SULT2B1: variants seen among roughly 807,000 people sequenced by gnomAD.
SULT2B1 encodes sulfotransferase 2B1.
Under a neutral mutation model 33.2 loss-of-function variants are expected in SULT2B1, and 16 were observed. The observed-to-expected ratio is 0.48, with a 90% CI of 0.33 to 0.73. SULT2B1 has a LOEUF of 0.73. Ranked by LOEUF, SULT2B1 falls within the 30% of genes least tolerant of loss-of-function variation. SULT2B1 has a pLI of 0.02. For synonymous variants in SULT2B1, 186 were observed against 200.5 expected (o/e 0.93, Z 0.61); for missense variants, 500 against 506.0 (o/e 0.99, Z 0.11).
chr19:48,570,179 CTTT>C (rs149283040), intron 1 of SULT2B1, among the ~76,000 whole-genome samples: 93,571 of 145,532 alleles, frequency 0.64, 31,034 homozygotes, highest in African/African-American at 0.73. Flanking sequence ...CCGGTTTGTT[CTTT>C]TTTTTTTTTT....
At chr19:48,565,445 TC>T (rs1020466412) in intron 1 of SULT2B1, among the ~76,000 whole-genome samples, 3 of 151,752 alleles carry the variant, frequency 2.0e-5, no homozygotes, top group Non-Finnish European at 2.9e-5. Flanking sequence ...AATGGCTAGA[TC>T]TTGGCTCACT....
intron 1 of SULT2B1, among the ~76,000 whole-genome samples, chr19:48,562,779 A>G (rs1973198530): frequency 6.6e-6 from 1 of 152,058 alleles, no homozygotes; most frequent in Non-Finnish European, 1.5e-5. Flanking sequence ...TCCCAGGTTC[A>G]GGCAATTCTC....
chr19:48,565,337 T>G (rs528160633), intron 1 of SULT2B1, among the ~76,000 whole-genome samples: 62 of 150,544 alleles, frequency 4.1e-4, no homozygotes, highest in Admixed American at 1.3e-3. Flanking sequence ...TATGGGGGGG[T>G]GTGTGTGTGT....
Position 48,599,386 on chromosome 19 carries a change from C to G in SULT2B1, c.1078C>G (p.Pro360Ala), listed in dbSNP as rs760164635. Residue 360 changes from proline to alanine, a missense_variant, in exon 7 of 7, where the codon CCG (proline) becomes GCG (alanine). Pro to Ala is a conservative substitution (Grantham distance 27, BLOSUM62 -1). Transcript: ENST00000201586. This position sits in a 1 kb window ranked among gnomAD's most constrained non-coding sequence, Gnocchi z 4.1. Reference sequence around the variant, plus strand: ...CAGCCCCGGCCAGGCCTCTGAGACCCCGCACCCACGACCCTCATAATAAAC... The same window carrying G: ...CAGCCCCGGCCAGGCCTCTGAGACCGCGCACCCACGACCCTCATAATAAAC... The part of the protein sequence containing the change: ...SPSPGQASET[P>A]HPRPS 6.4e-7 allele frequency: 1 copy of G among 1,556,578 alleles called. No homozygotes were observed. The highest frequency in any genetic ancestry group is 2.4e-5 in the East Asian group (1 of 41,528).
chr19:48,580,904 T>G (rs990973779), intron 2 of SULT2B1, among the ~76,000 whole-genome samples: 2 of 149,824 alleles, frequency 1.3e-5, no homozygotes, highest in Non-Finnish European at 3.0e-5. Context: ...GCCTGGCCAG[T>G]TTTTTTCTAA....
At chr19:48,592,593 G>A in intron 4 of SULT2B1, 129 bp from the exon 5 acceptor site, 1 of 728,584 alleles carries the variant, frequency 1.4e-6, no homozygotes, top group African/African-American at 1.8e-5. Flanking sequence ...GGGCTCTGGG[G>A]GAGGGCATCC....
At chr19:48,582,300 C>T (rs770352058) in intron 2 of SULT2B1, among the ~76,000 whole-genome samples, 38 of 151,988 alleles carry the variant, frequency 2.5e-4, no homozygotes, top group Non-Finnish European at 5.1e-4. Flanking sequence ...TAAATAGTTC[C>T]GTGGTATTTC....
chr19:48,588,827 G>T (rs1339824354), intron 3 of SULT2B1, among the ~76,000 whole-genome samples: 1 of 152,076 alleles, frequency 6.6e-6, no homozygotes, highest in Non-Finnish European at 1.5e-5. Flanking sequence ...GGAAAAGCAG[G>T]TGCAAAGGCC....
chr19:48,566,160 G>A (rs971411074), intron 1 of SULT2B1, among the ~76,000 whole-genome samples: 10 of 151,962 alleles, frequency 6.6e-5, no homozygotes, highest in African/African-American at 2.2e-4. Flanking sequence ...TCCTGACCTG[G>A]TGATCTGCCT....
chr19:48,552,439 C>A lies in SULT2B1; in HGVS notation c.71+116C>A. The A allele has an allele frequency of 8.9e-7, 1 of 1,121,794 alleles. No individual in the cohort carries two copies. Among genetic ancestry groups the A allele is most frequent in the Non-Finnish European group, 1.3e-6 (1 of 777,804 alleles). 69.5% of individuals were successfully genotyped at this position (1,121,794 alleles called of 1,614,324 possible). On this transcript the variant is annotated intron_variant, in intron 1 of 6. Coordinates refer to ENST00000201586, the MANE Select transcript of SULT2B1 (RefSeq NM_177973.2). The surrounding 1 kb of genome is among the most constrained non-coding windows in gnomAD (Gnocchi z 4.8). ...GCCACCCGCAGCCGCAGGCCTGGCC[C>A]AGACTTAGCTGGAGGGGCTGGGCTG...
chr19:48,589,219 C>T (rs968936568), intron 3 of SULT2B1, among the ~76,000 whole-genome samples: 1 of 151,664 alleles, frequency 6.6e-6, no homozygotes, highest in Non-Finnish European at 1.5e-5. Flanking sequence ...GATTTGCTGA[C>T]AGACTGGATG....
chr19:48,562,405 G>A (rs1485581484), intron 1 of SULT2B1, among the ~76,000 whole-genome samples: 1 of 151,008 alleles, frequency 6.6e-6, no homozygotes, highest in Non-Finnish European at 1.5e-5. Flanking sequence ...AAAAAAATTA[G>A]CAAAGCGTGG....
At chr19:48,597,701 T>C (rs960661625) in intron 6 of SULT2B1, among the ~76,000 whole-genome samples, 3 of 143,032 alleles carry the variant, frequency 2.1e-5, no homozygotes, top group Admixed American at 7.4e-5. Context: ...TGGAGTGCAA[T>C]GGCGCGATCT....
intron 2 of SULT2B1, among the ~76,000 whole-genome samples, chr19:48,583,535 C>A (rs932250987): frequency 1.3e-5 from 2 of 152,120 alleles, no homozygotes; most frequent in Non-Finnish European, 2.9e-5. Context: ...GAAGGAAATT[C>A]GTCCGGGTGC....
At chr19:48,554,995 T>C (rs767872952) in intron 1 of SULT2B1, among the ~76,000 whole-genome samples, 30 of 151,994 alleles carry the variant, frequency 2.0e-4, no homozygotes, top group Non-Finnish European at 4.4e-5. Flanking sequence ...ATCCAGGAGG[T>C]AGACTCAGCC....
chr19:48,591,507 T>C, intron 3 of SULT2B1, 102 bp from the exon 4 acceptor site: 2 of 1,359,920 alleles, frequency 1.5e-6, no homozygotes, highest in Non-Finnish European at 9.8e-7. Context: ...TCCTTCCTGC[T>C]TCAGGGTCAG....
chr19:48,571,961 GA>G (rs1973335701), intron 1 of SULT2B1, among the ~76,000 whole-genome samples: 1 of 152,168 alleles, frequency 6.6e-6, no homozygotes, highest in South Asian at 2.1e-4. Flanking sequence ...GACCTTAGGG[GA>G]CTATATTAAC....
chr19:48,581,508 T>C (rs571039503), intron 2 of SULT2B1, among the ~76,000 whole-genome samples: 12 of 142,314 alleles, frequency 8.4e-5, no homozygotes, highest in African/African-American at 3.2e-4. Context: ...TCTCGCTCTG[T>C]CACCTAGGCT....
In SULT2B1 at chr19:48,587,222, C is replaced by T. The variant is rs757672172; in HGVS notation, c.215-7C>T. The T allele has an allele frequency of 3.7e-6, 6 of 1,601,412 alleles. No homozygotes were observed. Among genetic ancestry groups the T allele is most frequent in the East Asian group, 4.5e-5 (2 of 44,740 alleles). ...ACCCAATTAATCTGCTCGATTTCTC[C>T]CAACAGGCACGACCTGGATGATCGA... On this transcript the variant is annotated splice_polypyrimidine_tract_variant and splice_region_variant and intron_variant, in intron 2 of 6. Coordinates refer to ENST00000201586, the MANE Select transcript of SULT2B1 (RefSeq NM_177973.2).
Sources: allele counts gnomAD v4.1 joint callset (sites outside exome capture counted in the v4.1 genomes callset), GRCh38; gene constraint gnomAD v4.1.1; non-coding constraint Gnocchi (gnomAD v3.1); transcripts MANE v1.5; gene names NCBI Gene and HGNC (gene_info 2026-07-23, HGNC 2026-07-21).